TRAP1: variants seen among roughly 807,000 people sequenced by gnomAD.
TRAP1 encodes the protein TNF receptor associated protein 1.
TRAP1 carries 102 observed loss-of-function variants against 89.1 expected under a neutral mutation model. The observed-to-expected ratio is 1.15, with a 90% CI of 0.98 to 1.35. TRAP1 has a LOEUF of 1.35. Ranked by LOEUF, TRAP1 falls within the 40% of genes most tolerant of loss-of-function variation. The probability of loss-of-function intolerance (pLI) is 0.00; values close to 1 mark genes in which losing one functional copy is unlikely to be tolerated. For missense variants in TRAP1, 1,256 were observed against 945.3 expected (o/e 1.33, Z -4.31); for synonymous variants, 508 against 388.0 (o/e 1.31, Z -3.64).
chr16:3,663,977 G>T, intron 13 of TRAP1: 1 of 360,750 alleles, frequency 2.8e-6, no homozygotes, highest in East Asian at 5.6e-5. Flanking sequence ...GCAGGAGAAT[G>T]ACCTGAACCC....
intron 11 of TRAP1, among the ~76,000 whole-genome samples, chr16:3,670,712 A>G (rs2050901765): frequency 6.6e-6 from 1 of 152,188 alleles, no homozygotes; most frequent in Non-Finnish European, 1.5e-5. Flanking sequence ...GTCAACCAAT[A>G]AAACATCACT....
chr16:3,683,778 A>T (rs1456629232), intron 4 of TRAP1, among the ~76,000 whole-genome samples: 1 of 151,824 alleles, frequency 6.6e-6, no homozygotes, highest in Non-Finnish European at 1.5e-5. Context: ...AATCTGTTCT[A>T]AAATATTTAC....
In TRAP1 at chr16:3,677,460, A is replaced by C. The variant is rs577853868; in HGVS notation, c.704+38T>G. On this transcript the variant is annotated intron_variant, in intron 6 of 17. Coordinates refer to ENST00000246957, the MANE Select transcript of TRAP1 (RefSeq NM_016292.3). The stretch of plus-strand genomic sequence containing the variant: ...AACTCCATGCTAAGGGCTCCAGCTC[A>C]GCTTTGAGCTGCCTGTCAGGCGACA... 4.0e-5 allele frequency: 64 copies of C among 1,613,890 alleles called. 2 individuals carry two copies. In the Middle Eastern group the frequency reaches 1.2e-3, roughly 29 times the overall value.
rs73489727 is a variant in TRAP1, at chr16:3,674,659, G to A, written c.889-165C>T. 980 of 794,052 alleles carry A rather than the reference G, an allele frequency of 1.2e-3. 10 individuals carry two copies. The African/African-American group carries it at 0.015, about 12-fold the overall frequency. 49.2% of individuals were successfully genotyped at this position (794,052 alleles called of 1,614,324 possible). The stretch of plus-strand genomic sequence containing the variant: ...CTCTCCAGCCCCACCGCTGGGCTAT[G>A]CCGGGTAGTGCAGGGGAGACACACA... On this transcript the variant is annotated intron_variant, in intron 8 of 17. Coordinates refer to ENST00000246957, the MANE Select transcript of TRAP1 (RefSeq NM_016292.3).
intron 2 of TRAP1, among the ~76,000 whole-genome samples, chr16:3,690,034 A>T (rs890189022): frequency 1.3e-5 from 2 of 151,856 alleles, no homozygotes; most frequent in African/African-American, 4.8e-5. Flanking sequence ...TAGAGGCAGG[A>T]TCTGGCTCTG....
At position 3,680,995 on chromosome 16, in the gene TRAP1, T is replaced by C. The variant is rs141637879; in HGVS notation, c.472-1205A>G. On this transcript the variant is annotated intron_variant, in intron 4 of 17. Coordinates refer to ENST00000246957, the MANE Select transcript of TRAP1 (RefSeq NM_016292.3). ...TCGGCTATAGCAGCCTGAATCACAA[T>C]ACAGACCAACGCGCTGGTGAACACA... 1.4e-4 allele frequency among the ~76,000 whole-genome samples: 22 copies of C among 152,230 alleles called. No homozygotes were observed. The East Asian group carries it at 4.2e-3, about 29-fold the overall frequency.
intron 3 of TRAP1, chr16:3,687,510 G>C (rs956524765): frequency 6.6e-6 from 1 of 152,252 alleles, no homozygotes; most frequent in African/African-American, 2.4e-5. Context: ...TACCACACCC[G>C]GAGAAAAACA....
chr16:3,687,767 G>C (rs2051156120), intron 3 of TRAP1, among the ~76,000 whole-genome samples: 2 of 150,506 alleles, frequency 1.3e-5, no homozygotes, highest in African/African-American at 4.9e-5. Flanking sequence ...AGGATGGCTT[G>C]AGCTCAGGAG....
At chr16:3,709,747 T>G (rs906694147) in intron 1 of TRAP1, among the ~76,000 whole-genome samples, 1 of 152,110 alleles carries the variant, frequency 6.6e-6, no homozygotes, top group African/African-American at 2.4e-5. Flanking sequence ...ACCTCCCAGA[T>G]TCAAGCGATT....
At chr16:3,688,655 T>A (rs935949287) in intron 3 of TRAP1, among the ~76,000 whole-genome samples, 1 of 151,956 alleles carries the variant, frequency 6.6e-6, no homozygotes, top group Non-Finnish European at 1.5e-5. Flanking sequence ...GCTAATTTTT[T>A]AAATTTTTTG....
intron 2 of TRAP1, 30 bp downstream of exon 2, chr16:3,690,797 C>T: frequency 1.5e-6 from 2 of 1,357,096 alleles, no homozygotes; most frequent in Non-Finnish European, 1.9e-6. Flanking sequence ...CCAAAAAGCC[C>T]TCCCAGACCA....
chr16:3,698,681 G>C (rs912347392), intron 1 of TRAP1, among the ~76,000 whole-genome samples: 1 of 151,924 alleles, frequency 6.6e-6, no homozygotes, highest in Non-Finnish European at 1.5e-5. Context: ...CCAAGGCCGG[G>C]GGGTCGCTTC....
At chr16:3,671,643 G>C in intron 11 of TRAP1, 79 bp downstream of exon 11, 1 of 1,503,540 alleles carries the variant, frequency 6.7e-7, no homozygotes, top group Non-Finnish European at 9.1e-7. Context: ...ATGGGCCACG[G>C]CTAGGGCCCT....
chr16:3,665,928 G>A (rs761846013), intron 12 of TRAP1, 43 bp downstream of exon 12: 1 of 1,592,574 alleles, frequency 6.3e-7, no homozygotes, highest in Non-Finnish European at 8.5e-7. Flanking sequence ...CAGCCCCAGG[G>A]ACAAGGTGGC....
At chr16:3,669,425 T>C (rs1055275625) in intron 11 of TRAP1, among the ~76,000 whole-genome samples, 1 of 152,186 alleles carries the variant, frequency 6.6e-6, no homozygotes, top group Non-Finnish European at 1.5e-5. Flanking sequence ...CCCTTTTCAT[T>C]GATTATATAA....
intron 9 of TRAP1, among the ~76,000 whole-genome samples, chr16:3,673,389 C>G (rs1225610342): frequency 6.6e-6 from 1 of 152,238 alleles, no homozygotes; most frequent in Admixed American, 6.5e-5. Context: ...ACGCTGGGAC[C>G]AGCTCCTGTC....
At position 3,658,482 on chromosome 16, in the gene TRAP1, G is replaced by T. The variant is rs2042855103; in HGVS notation, c.2014-252C>A. The T allele has an allele frequency of 6.9e-6, 4 of 577,544 alleles. No homozygotes were observed. In the South Asian group the frequency reaches 8.4e-5, roughly 12 times the overall value. The allele number at this position is 577,544 out of a possible 1,614,324, so 35.8% of individuals were successfully genotyped here. A position where few individuals can be genotyped will look rare whatever the true frequency, so the allele number is the denominator to read the frequency against. On this transcript the variant is annotated intron_variant, in intron 17 of 17. Transcript: ENST00000246957. ...GTGGCTCACGAGGTCAGGAGATTGA[G>T]ACCATCCTGGCCAAGATGGTGAAAA...
intron 1 of TRAP1, among the ~76,000 whole-genome samples, chr16:3,711,631 A>C (rs544647044): frequency 2.6e-4 from 39 of 152,182 alleles, no homozygotes; most frequent in African/African-American, 3.6e-4. Context: ...AAACCAAAAC[A>C]AAAACAAAAA....
intron 11 of TRAP1, among the ~76,000 whole-genome samples, chr16:3,670,362 G>A (rs549439107): frequency 4.4e-4 from 45 of 102,780 alleles, no homozygotes; most frequent in Middle Eastern, 9.1e-3. Flanking sequence ...CAGCCTGGGC[G>A]ACAGAGCAAG....
Sources: gnomAD v4.1 joint callset for allele counts (sites outside exome capture counted in the v4.1 genomes callset) on GRCh38, gnomAD v4.1.1 for gene constraint, MANE v1.5 for transcripts, NCBI Gene and HGNC (gene_info 2026-07-23, HGNC 2026-07-21) for gene names.